Variants in SMC6 observed in about 807,000 individuals in gnomAD.
SMC6 encodes structural maintenance of chromosomes protein 6.
SMC6 carries 79 observed loss-of-function variants against 142.2 expected under a neutral mutation model. That is an observed-to-expected ratio of 0.56 (90% CI 0.46 to 0.67). SMC6 has a LOEUF of 0.67. SMC6 is among the 30% of genes least tolerant of loss of function. SMC6 has a pLI of 0.00. For missense variants in SMC6, 1,072 were observed against 1,284.0 expected, an observed-to-expected ratio of 0.83 and a Z score of 2.52; for synonymous variants, 411 against 412.4, an observed-to-expected ratio of 1.00 and a Z score of 0.04.
chr2:17,712,798 T>G (rs1572311662), intron 16 of SMC6, among the ~76,000 whole-genome samples: 2 of 152,220 alleles, frequency 1.3e-5, no homozygotes, highest in South Asian at 4.1e-4. Context: ...CCCTTCAAAA[T>G]GTTTACAAGG....
intron 7 of SMC6, among the ~76,000 whole-genome samples, chr2:17,727,505 TTATA>T (rs35081864): frequency 0.46 from 68,725 of 148,436 alleles, 17,019 homozygotes; most frequent in African/African-American, 0.62. Flanking sequence ...AAACTCCTCT[TTATA>T]TATATATATA....
At chr2:17,703,950 G>C (rs1668387920) in intron 18 of SMC6, among the ~76,000 whole-genome samples, 1 of 152,054 alleles carries the variant, frequency 6.6e-6, no homozygotes, top group African/African-American at 2.4e-5. Context: ...AGTTTTTGGG[G>C]AGTTAAAAGT....
intron 23 of SMC6, among the ~76,000 whole-genome samples, 180 bp from the exon 24 acceptor site, chr2:17,683,943 C>G (rs950325721): frequency 6.6e-6 from 1 of 152,002 alleles, no homozygotes; most frequent in Non-Finnish European, 1.5e-5. Context: ...AAGGGTGGTA[C>G]GGAATAAGAA....
Position 17,665,304 on chromosome 2 carries a change from G to A in SMC6, c.*195C>T. ...ATACTATGAAATTGATTTTCTTAAAGTAATAGTAATCTTAAATTGCAGGTT... is the reference window on the plus strand; with the variant it reads ...ATACTATGAAATTGATTTTCTTAAAATAATAGTAATCTTAAATTGCAGGTT... On this transcript the variant is annotated 3_prime_UTR_variant, in exon 28 of 28. Transcript: ENST00000448223. The A allele has an allele frequency of 2.6e-6, 1 of 378,386 alleles. No homozygotes were observed. Among genetic ancestry groups the A allele is most frequent in the East Asian group, 4.0e-5 (1 of 24,874 alleles). The allele number at this position is 378,386 out of a possible 1,614,324, so 23.4% of individuals were successfully genotyped here. A position where few individuals can be genotyped will look rare whatever the true frequency, so the allele number is the denominator to read the frequency against.
intron 24 of SMC6, 76 bp from the exon 25 acceptor site, chr2:17,679,040 A>G: frequency 1.0e-6 from 1 of 963,264 alleles, no homozygotes; most frequent in Non-Finnish European, 1.6e-6. Flanking sequence ...TGATCTAAGC[A>G]TGTGAGAAAA....
intron 12 of SMC6, 100 bp downstream of exon 12, chr2:17,717,977 C>A (rs1669181399): frequency 2.4e-6 from 3 of 1,251,876 alleles, no homozygotes; most frequent in Non-Finnish European, 3.2e-6. Context: ...CAGAGCAAGA[C>A]TATTTCAAAA....
intron 11 of SMC6, among the ~76,000 whole-genome samples, chr2:17,718,678 G>A (rs894845833): frequency 1.3e-4 from 20 of 152,136 alleles, no homozygotes; most frequent in Non-Finnish European, 1.9e-4. Context: ...AAGTGTACCA[G>A]GAAATAAGTT....
At chr2:17,667,457 A>G (rs1244913702) in intron 26 of SMC6, among the ~76,000 whole-genome samples, 1 of 152,260 alleles carries the variant, frequency 6.6e-6, no homozygotes, top group African/African-American at 2.4e-5. Flanking sequence ...GTTAAGTAAC[A>G]GTAAAAGAAA....
At chr2:17,713,621 A>G in intron 16 of SMC6, 1 of 433,890 alleles carries the variant, frequency 2.3e-6, no homozygotes, top group South Asian at 1.7e-5. Flanking sequence ...ATTCCTCACA[A>G]CTGATGGCAT....
intron 23 of SMC6, among the ~76,000 whole-genome samples, chr2:17,689,545 T>A (rs751353543): frequency 9.9e-5 from 15 of 152,214 alleles, no homozygotes; most frequent in Non-Finnish European, 1.8e-4. Context: ...TAAAGTAATG[T>A]GAGTGTATGT....
chr2:17,749,271 T>C (rs1670901034), intron 2 of SMC6, among the ~76,000 whole-genome samples: 1 of 152,194 alleles, frequency 6.6e-6, no homozygotes, highest in Admixed American at 6.5e-5. Context: ...AAGCTCGTCA[T>C]AGTTTTTAAT....
chr2:17,742,186 A>G (rs1372641142), intron 3 of SMC6, among the ~76,000 whole-genome samples: 1 of 152,216 alleles, frequency 6.6e-6, no homozygotes, highest in African/African-American at 2.4e-5. Flanking sequence ...CTGCTATCCA[A>G]TTGGCATAGT....
rs145633685 is a variant in SMC6, at chr2:17,670,230, G to A, written c.3063+193C>T. 5.4e-4 allele frequency among the ~76,000 whole-genome samples: 82 copies of A among 152,262 alleles called. No homozygotes were observed. The East Asian group carries it at 0.015, about 28-fold the overall frequency. Reference sequence around the variant, plus strand: ...AGGAGGACCCCTCCAGGGTCTCTAGGGTTACTGTGTGCCTAGAAGCAAGGG... The same window carrying A: ...AGGAGGACCCCTCCAGGGTCTCTAGAGTTACTGTGTGCCTAGAAGCAAGGG... On this transcript the variant is annotated intron_variant, in intron 26 of 27. Coordinates refer to ENST00000448223, the MANE Select transcript of SMC6 (RefSeq NM_001142286.2).
At chr2:17,685,614 C>T (rs1352686191) in intron 23 of SMC6, among the ~76,000 whole-genome samples, 2 of 151,512 alleles carry the variant, frequency 1.3e-5, no homozygotes, top group African/African-American at 4.9e-5. Flanking sequence ...CCAAATAAAT[C>T]ACAGATATAC....
At chr2:17,740,914 T>C (rs1195322979) in intron 4 of SMC6, 6 of 287,418 alleles carry the variant, frequency 2.1e-5, no homozygotes, top group Non-Finnish European at 3.4e-5. Context: ...AAAACTCTAA[T>C]TGGTTCCCCA....
intron 9 of SMC6, 96 bp from the exon 10 acceptor site, chr2:17,721,357 GTAC>G (rs1316008138): frequency 3.4e-6 from 4 of 1,160,760 alleles, no homozygotes; most frequent in Non-Finnish European, 4.7e-6. Flanking sequence ...GCCTAAACAA[GTAC>G]TACATAAATA....
At chr2:17,684,487 G>T (rs755987082) in intron 23 of SMC6, among the ~76,000 whole-genome samples, 1 of 152,150 alleles carries the variant, frequency 6.6e-6, no homozygotes, top group Non-Finnish European at 1.5e-5. Flanking sequence ...GAACAGTGTT[G>T]CCACAAAGCA....
chr2:17,716,929 A>G lies in SMC6; in HGVS notation c.1182-24T>C. 3.2e-6 allele frequency: 5 copies of G among 1,583,548 alleles called. No individual in the cohort carries two copies. The South Asian group carries it at 5.9e-5, about 19-fold the overall frequency. On this transcript the variant is annotated intron_variant, in intron 13 of 27. Transcript: ENST00000448223. ...TACTAACAGTAAATAACCCAAAGTG[A>G]AAAATGTTAGTTCAATGAACAGCCT...
intron 11 of SMC6, 78 bp downstream of exon 11, chr2:17,720,862 G>A: frequency 8.4e-7 from 1 of 1,186,484 alleles, no homozygotes; most frequent in Admixed American, 1.9e-5. Context: ...CTGATGGTTT[G>A]GTGGGTCATA....
Sources: gnomAD v4.1 joint callset for allele counts (sites outside exome capture counted in the v4.1 genomes callset) on GRCh38, gnomAD v4.1.1 for gene constraint, MANE v1.5 for transcripts, NCBI Gene and HGNC (gene_info 2026-07-23, HGNC 2026-07-21) for gene names.